NLGN4X: variants seen among roughly 807,000 people sequenced by gnomAD.
The protein encoded by NLGN4X is neuroligin 4 X-linked.
Under a neutral mutation model 40.3 loss-of-function variants are expected in NLGN4X, and 3 were observed. The observed-to-expected ratio is 0.07, with a 90% CI of 0.03 to 0.19. The LOEUF is 0.19. NLGN4X is among the 10% of genes least tolerant of loss of function. NLGN4X has a pLI of 1.00. For missense variants in NLGN4X, 382 were observed against 708.3 expected (o/e 0.54, Z 5.23); for synonymous variants, 270 against 306.8 (o/e 0.88, Z 1.25).
chrX:5,973,869 G>T, intron 3 of NLGN4X, among the ~76,000 whole-genome samples: 1 of 111,821 alleles, frequency 8.9e-6, no homozygotes, highest in East Asian at 2.8e-4. Flanking sequence ...CTGCACTAGG[G>T]TTTATGGTAG....
intron 3 of NLGN4X, among the ~76,000 whole-genome samples, chrX:5,933,476 T>C (rs1023029941): frequency 2.7e-5 from 3 of 111,981 alleles, no homozygotes; most frequent in Non-Finnish European, 5.6e-5. Flanking sequence ...CTATATATTT[T>C]TGATTTTCAT....
At chrX:6,121,054 G>T (rs1440749621) in intron 2 of NLGN4X, among the ~76,000 whole-genome samples, 1 of 110,584 alleles carries the variant, frequency 9.0e-6, no homozygotes, top group Non-Finnish European at 1.9e-5. Context: ...AATGAGCTTC[G>T]TCCAAAATCA....
chrX:6,021,101 C>T (rs1276045100), intron 3 of NLGN4X, among the ~76,000 whole-genome samples: 7 of 72,097 alleles, frequency 9.7e-5, no homozygotes, highest in Admixed American at 1.7e-4. Flanking sequence ...TCCCCCTCTC[C>T]CTCTCTCTTT....
intron 1 of NLGN4X, among the ~76,000 whole-genome samples, chrX:6,155,982 T>A (rs2040254795): frequency 8.9e-6 from 1 of 112,397 alleles, no homozygotes; most frequent in African/African-American, 3.2e-5. Context: ...TGTAAAGCAG[T>A]ATGGAGATTT....
chrX:5,905,290 A>T (rs746238444), intron 4 of NLGN4X, among the ~76,000 whole-genome samples: 105 of 111,615 alleles, frequency 9.4e-4, no homozygotes, highest in African/African-American at 3.3e-3. Flanking sequence ...AGACTAAAAT[A>T]GTTGGATAAT....
intron 3 of NLGN4X, among the ~76,000 whole-genome samples, chrX:5,933,314 C>T (rs1306932220): frequency 3.6e-5 from 4 of 111,003 alleles, no homozygotes; most frequent in East Asian, 2.8e-4. Context: ...AAAAGGAAGA[C>T]AAAAATCATA....
At chrX:6,015,732 G>T (rs1021675654) in intron 3 of NLGN4X, among the ~76,000 whole-genome samples, 33 of 111,547 alleles carry the variant, frequency 3.0e-4, no homozygotes, top group African/African-American at 1.0e-3. Context: ...CCCTTTATCT[G>T]TCCCGGCATC....
At chrX:6,065,174 A>G (rs1368362269) in intron 2 of NLGN4X, among the ~76,000 whole-genome samples, 1 of 110,537 alleles carries the variant, frequency 9.0e-6, no homozygotes, top group Non-Finnish European at 1.9e-5. Flanking sequence ...TATGCTCACT[A>G]CCTGCGTGAC....
intron 2 of NLGN4X, among the ~76,000 whole-genome samples, chrX:6,148,123 G>A (rs1271516469): frequency 8.9e-6 from 1 of 112,354 alleles, no homozygotes; most frequent in Non-Finnish European, 1.9e-5. Context: ...GTTCTTAAAT[G>A]TAAGGATAAG....
chrX:6,088,727 C>T (rs1029419520), intron 2 of NLGN4X, among the ~76,000 whole-genome samples: 1 of 111,750 alleles, frequency 8.9e-6, no homozygotes, highest in Non-Finnish European at 1.9e-5. Flanking sequence ...GCTTTTTAAC[C>T]AAAGTAACAA....
intron 2 of NLGN4X, among the ~76,000 whole-genome samples, chrX:6,100,052 A>G (rs745895920): frequency 1.3e-3 from 145 of 112,712 alleles, no homozygotes; most frequent in Non-Finnish European, 1.3e-3. Context: ...TTTATAGATT[A>G]TAGATAACTA....
chrX:6,066,567 T>C (rs2037922068), intron 2 of NLGN4X, among the ~76,000 whole-genome samples: 1 of 102,055 alleles, frequency 9.8e-6, no homozygotes, highest in Admixed American at 1.1e-4. Context: ...AGGCGGATCA[T>C]GAGGTCAGGA....
chrX:6,016,157 A>T (rs891885821), intron 3 of NLGN4X, among the ~76,000 whole-genome samples: 1 of 112,563 alleles, frequency 8.9e-6, no homozygotes, highest in South Asian at 3.7e-4. Flanking sequence ...CAACATCATT[A>T]GTCATCAGGA....
At chrX:6,156,365 T>C (rs12013117) in intron 1 of NLGN4X, among the ~76,000 whole-genome samples, 27,896 of 109,434 alleles carry the variant, frequency 0.25, 2,684 homozygotes, top group Admixed American at 0.29. Context: ...AAAAATTAGC[T>C]GGGCGTGGTG....
chrX:6,203,870 A>G (rs909013024), intron 1 of NLGN4X, among the ~76,000 whole-genome samples: 1 of 112,845 alleles, frequency 8.9e-6, no homozygotes, highest in Non-Finnish European at 1.9e-5. Flanking sequence ...TTATGCAGCA[A>G]TAGATAACCA....
chrX:5,920,351 A>G (rs958389233), intron 3 of NLGN4X, among the ~76,000 whole-genome samples: 2 of 112,228 alleles, frequency 1.8e-5, no homozygotes, highest in African/African-American at 3.2e-5. Context: ...ATGACAAGGC[A>G]TAAGAGTTGG....
In NLGN4X at chrX:6,116,391, C is replaced by CTTTTTTTTTTTT. The variant is rs1157468420; in HGVS notation, c.472+34592_472+34603dup. Among the ~76,000 whole-genome samples, 16 of 22,288 alleles carry CTTTTTTTTTTTT rather than the reference C, an allele frequency of 7.2e-4. 5 individuals are homozygous for CTTTTTTTTTTTT. The highest frequency in any genetic ancestry group is 1.6e-3 in the Admixed American group (2 of 1,260). The allele number at this position is 22,288 out of a possible 115,157, so 19.4% of individuals were successfully genotyped here. On this transcript the variant is annotated intron_variant, in intron 2 of 5. Transcript: ENST00000381095. Reference sequence around the variant, plus strand: ...ACAAGTAGGTATTGAACCTTTCTTTCTTTTTTTTTTTTTTTTTTTTTTTTT... The same window carrying CTTTTTTTTTTTT: ...ACAAGTAGGTATTGAACCTTTCTTTCTTTTTTTTTTTTTTTTTTTTTTTTTTTTTTTTTTTTT...
chrX:6,107,031 C>T (rs761376710), intron 2 of NLGN4X, among the ~76,000 whole-genome samples: 1 of 112,667 alleles, frequency 8.9e-6, no homozygotes, highest in African/African-American at 3.2e-5. Context: ...ATGCTTTATT[C>T]TTTCTTTACC....
At chrX:5,899,660 A>C (rs2031727152) in intron 5 of NLGN4X, among the ~76,000 whole-genome samples, 1 of 105,997 alleles carries the variant, frequency 9.4e-6, no homozygotes, top group Non-Finnish European at 1.9e-5. Context: ...GGAACTAATT[A>C]ACTTCCTTTA....
Sources: gnomAD v4.1 joint callset for allele counts (sites outside exome capture counted in the v4.1 genomes callset) on GRCh38, gnomAD v4.1.1 for gene constraint, MANE v1.5 for transcripts, NCBI Gene and HGNC (gene_info 2026-07-23, HGNC 2026-07-21) for gene names.